SCARA5: variants seen among roughly 807,000 people sequenced by gnomAD.
SCARA5 encodes the protein scavenger receptor class A member 5.
In SCARA5, 45 loss-of-function variants were observed where a neutral mutation model predicts 46.3. That is an observed-to-expected ratio of 0.97 (90% CI 0.76 to 1.24). The LOEUF is 1.24. Ranked by LOEUF, SCARA5 falls within the 50% of genes most tolerant of loss-of-function variation. The pLI is 0.00. For synonymous variants in SCARA5, 333 were observed against 306.5 expected (o/e 1.09, Z -0.90); for missense variants, 680 against 689.0 (o/e 0.99, Z 0.15).
chr8:27,918,312 T>C (rs1434801646), intron 4 of SCARA5, among the ~76,000 whole-genome samples: 1 of 152,074 alleles, frequency 6.6e-6, no homozygotes, highest in Admixed American at 6.5e-5. Context: ...AACCACCTCA[T>C]AGATTCTCCT....
chr8:27,972,642 T>C (rs566405238), intron 2 of SCARA5, among the ~76,000 whole-genome samples: 33 of 152,286 alleles, frequency 2.2e-4, no homozygotes, highest in Non-Finnish European at 3.5e-4. Flanking sequence ...GATGGGAGGA[T>C]TGCTTGAGCT....
chr8:27,901,367 G>T (rs527768999), intron 7 of SCARA5, among the ~76,000 whole-genome samples: 2 of 152,252 alleles, frequency 1.3e-5, no homozygotes, highest in Non-Finnish European at 2.9e-5. Flanking sequence ...GGCTCTTCCC[G>T]CACGATGTTG....
chr8:27,988,354 G>T (rs1240662761), intron 1 of SCARA5, among the ~76,000 whole-genome samples: 1 of 152,228 alleles, frequency 6.6e-6, no homozygotes, highest in Non-Finnish European at 1.5e-5. Context: ...TGGGTCTCTG[G>T]GTCTACGCCA....
At chr8:27,979,045 C>T (rs1342833324) in intron 2 of SCARA5, among the ~76,000 whole-genome samples, 1 of 152,172 alleles carries the variant, frequency 6.6e-6, no homozygotes, top group Admixed American at 6.5e-5. Flanking sequence ...CTAATTCCAC[C>T]CACACAGTCG....
intron 7 of SCARA5, among the ~76,000 whole-genome samples, chr8:27,904,031 CCT>C (rs34383906): frequency 0.96 from 146,798 of 152,194 alleles, 71,036 homozygotes; most frequent in Middle Eastern, 1. Context: ...TACATGTAGC[CCT>C]CTCTAGGGGA....
intron 3 of SCARA5, among the ~76,000 whole-genome samples, chr8:27,928,370 C>T (rs561022764): frequency 6.6e-6 from 1 of 152,344 alleles, no homozygotes; most frequent in African/African-American, 2.4e-5. Context: ...TACCAAGTGG[C>T]TTTCCCTGAG....
At chr8:27,918,378 G>A (rs761301636) in intron 4 of SCARA5, among the ~76,000 whole-genome samples, 1 of 152,050 alleles carries the variant, frequency 6.6e-6, no homozygotes, top group Non-Finnish European at 1.5e-5. Context: ...AACTGGAAAG[G>A]ATGCAGAGGG....
At chr8:27,872,896 G>A (rs371754530) in intron 8 of SCARA5, among the ~76,000 whole-genome samples, 12 of 152,174 alleles carry the variant, frequency 7.9e-5, no homozygotes, top group African/African-American at 1.4e-4. Context: ...ATCCAGTCAC[G>A]GGAGGACCAA....
chr8:27,940,077 A>C (rs991812542), intron 3 of SCARA5, among the ~76,000 whole-genome samples: 1 of 152,146 alleles, frequency 6.6e-6, no homozygotes, highest in Non-Finnish European at 1.5e-5. Context: ...TTTGTTCCAT[A>C]AGTGCTTGTT....
At chr8:27,980,837 G>A (rs901797515) in intron 2 of SCARA5, among the ~76,000 whole-genome samples, 2 of 152,152 alleles carry the variant, frequency 1.3e-5, no homozygotes, top group African/African-American at 2.4e-5. Flanking sequence ...ATTTCCTGGA[G>A]TATCTAGGCC....
At chr8:27,953,648 A>T (rs909858962) in intron 3 of SCARA5, among the ~76,000 whole-genome samples, 6 of 152,126 alleles carry the variant, frequency 3.9e-5, no homozygotes, top group African/African-American at 1.4e-4. Flanking sequence ...AGAAATCAGG[A>T]CTCAGAGTTA....
At chr8:27,914,414 C>T (rs1014520033) in intron 4 of SCARA5, among the ~76,000 whole-genome samples, 1 of 152,228 alleles carries the variant, frequency 6.6e-6, no homozygotes, top group South Asian at 2.1e-4. Flanking sequence ...GTGCACAATG[C>T]CCCTGTGGGA....
chr8:27,944,853 G>A (rs915493437), intron 3 of SCARA5, among the ~76,000 whole-genome samples: 1 of 152,148 alleles, frequency 6.6e-6, no homozygotes, highest in African/African-American at 2.4e-5. Flanking sequence ...GGGCGACAGA[G>A]CGAGAGCCTG....
At chr8:27,894,069 A>G (rs1807025368) in intron 7 of SCARA5, among the ~76,000 whole-genome samples, 1 of 152,122 alleles carries the variant, frequency 6.6e-6, no homozygotes, top group African/African-American at 2.4e-5. Flanking sequence ...GTCAGGCATA[A>G]AAAGAGGAGA....
intron 3 of SCARA5, among the ~76,000 whole-genome samples, chr8:27,931,550 C>G (rs773886098): frequency 5.3e-5 from 8 of 152,206 alleles, no homozygotes; most frequent in Non-Finnish European, 1.2e-4. Flanking sequence ...TATCTTGACT[C>G]TGACTCATGA....
At chr8:27,964,782 CA>C (rs1808343377) in intron 3 of SCARA5, among the ~76,000 whole-genome samples, 1 of 152,016 alleles carries the variant, frequency 6.6e-6, no homozygotes, top group Non-Finnish European at 1.5e-5. Context: ...AGGCCTGCCC[CA>C]AACCCCCCAC....
chr8:27,966,184 C>A (rs1301064876), intron 3 of SCARA5, among the ~76,000 whole-genome samples: 1 of 152,226 alleles, frequency 6.6e-6, no homozygotes, highest in African/African-American at 2.4e-5. Flanking sequence ...CCACTCCAAG[C>A]AGCTAGGTCT....
intron 3 of SCARA5, among the ~76,000 whole-genome samples, chr8:27,953,207 A>G (rs950294678): frequency 2.0e-4 from 31 of 152,204 alleles, no homozygotes; most frequent in Admixed American, 2.0e-3. Flanking sequence ...CTCTCAAAAG[A>G]TCAGGAAAAG....
chr8:27,971,378 G>C (rs1585520768), intron 2 of SCARA5, among the ~76,000 whole-genome samples: 2 of 152,310 alleles, frequency 1.3e-5, no homozygotes, highest in South Asian at 2.1e-4. Context: ...TGTTCTCTTT[G>C]TCTTCACTTC....
Sources: allele counts gnomAD v4.1 joint callset (sites outside exome capture counted in the v4.1 genomes callset), GRCh38; gene constraint gnomAD v4.1.1; transcripts MANE v1.5; gene names NCBI Gene and HGNC (gene_info 2026-07-23, HGNC 2026-07-21).